Variants in MMP27 observed in about 807,000 individuals in gnomAD.
MMP27 encodes matrix metalloproteinase-27.
In MMP27, 51 loss-of-function variants were observed where a neutral mutation model predicts 48.1. That is an observed-to-expected ratio of 1.06 (90% CI 0.85 to 1.34). The LOEUF is 1.34. MMP27 is among the 40% of genes most tolerant of loss of function. The pLI is 0.00. For missense variants in MMP27, 698 were observed against 619.3 expected (o/e 1.13, Z -1.35); for synonymous variants, 229 against 208.9 (o/e 1.10, Z -0.83).
chr11:102,695,234 A>T, intron 6 of MMP27, 137 bp from the exon 7 acceptor site: 1 of 1,023,288 alleles, frequency 9.8e-7, no homozygotes, highest in Admixed American at 2.2e-5. Flanking sequence ...AATTTTCCCC[A>T]GTAAATTTAG....
intron 7 of MMP27, among the ~76,000 whole-genome samples, chr11:102,694,345 A>T (rs1004046585): frequency 1.3e-5 from 2 of 152,220 alleles, no homozygotes; most frequent in Non-Finnish European, 2.9e-5. Flanking sequence ...CAATCAAGTA[A>T]GCAATGCATA....
chr11:102,694,848 T>C (rs1860793766), intron 7 of MMP27, 119 bp downstream of exon 7: 5 of 1,115,010 alleles, frequency 4.5e-6, no homozygotes, highest in Non-Finnish European at 5.0e-6. Flanking sequence ...GAACCTAAGA[T>C]GAGAGCAAAA....
intron 5 of MMP27, 72 bp from the exon 6 acceptor site, chr11:102,696,563 C>G: frequency 1.3e-6 from 2 of 1,582,048 alleles, no homozygotes; most frequent in Non-Finnish European, 1.7e-6. Context: ...AGGGTCTTAC[C>G]TAAGTGGATA....
At position 102,691,492 on chromosome 11, in the gene MMP27, T is replaced by C. The variant is rs563458705; in HGVS notation, c.*274A>G. ...CTCCAAAGGTCCAGACAAAATAGAATGCTAAAGATTGGTTTAATAAATGTT... is the reference window on the plus strand; with the variant it reads ...CTCCAAAGGTCCAGACAAAATAGAACGCTAAAGATTGGTTTAATAAATGTT... On this transcript the variant is annotated 3_prime_UTR_variant, in exon 10 of 10. Transcript: ENST00000260229. The C allele has an allele frequency of 2.9e-5, 8 of 276,516 alleles. No homozygotes were observed. Among genetic ancestry groups the C allele is most frequent in the African/African-American group, 1.1e-4 (5 of 44,678 alleles). 17.1% of individuals were successfully genotyped at this position (276,516 alleles called of 1,614,324 possible).
intron 8 of MMP27, 86 bp from the exon 9 acceptor site, chr11:102,693,127 G>C (rs376206562): frequency 6.3e-6 from 6 of 947,278 alleles, no homozygotes; most frequent in African/African-American, 4.8e-5. Context: ...AGTCAAGCAG[G>C]GATGTGGGGA....
rs1225088143 is a variant in MMP27, at chr11:102,704,697, C to T, written c.181G>A (p.Asp61Asn). ...VQSKNRSLID[D>N]KIREMQAFFG... Reference sequence around the variant, plus strand: ...AATGCTTGCATTTCCCGAATTTTGTCATCTATGAGACTCCTATTCTTGCTT... The same window carrying T: ...AATGCTTGCATTTCCCGAATTTTGTTATCTATGAGACTCCTATTCTTGCTT... Residue 61 changes from aspartate to asparagine, a missense_variant, in exon 2 of 10, where the codon GAC becomes AAC. Physicochemically the swap from Asp to Asn is conservative, Grantham distance 23. Transcript: ENST00000260229. The T allele has an allele frequency of 6.2e-7, 1 of 1,613,824 alleles. No individual in the cohort carries two copies. Among genetic ancestry groups the T allele is most frequent in the Non-Finnish European group, 8.5e-7 (1 of 1,179,972 alleles).
At chr11:102,695,854 A>T (rs1281227434) in intron 6 of MMP27, among the ~76,000 whole-genome samples, 1 of 152,214 alleles carries the variant, frequency 6.6e-6, no homozygotes, top group Non-Finnish European at 1.5e-5. Context: ...ACTACAGCTA[A>T]CACTTTATTG....
In MMP27 at chr11:102,693,409, A is replaced by T. The variant is rs557232588; in HGVS notation, c.1194-368T>A. ...TTTATTTTATCTTATCTTTTTTTTT[A>T]AATTGAAGGAAAGTCATTAGACTCA... On this transcript the variant is annotated intron_variant, in intron 8 of 9. Transcript: ENST00000260229. 4.0e-5 allele frequency among the ~76,000 whole-genome samples: 6 copies of T among 151,776 alleles called. No individual in the cohort carries two copies. In the East Asian group the frequency reaches 7.7e-4, roughly 20 times the overall value.
intron 4 of MMP27, among the ~76,000 whole-genome samples, chr11:102,701,416 G>T (rs1860938027): frequency 6.6e-6 from 1 of 152,208 alleles, no homozygotes; most frequent in Non-Finnish European, 1.5e-5. Flanking sequence ...TGAAATCTTT[G>T]ATCTCTGCCT....
Position 102,705,685 on chromosome 11 carries a change from G to C in MMP27, c.30C>G (p.Phe10Leu). 1 of 1,606,370 alleles carries C rather than the reference G, an allele frequency of 6.2e-7. No homozygotes were observed. Among genetic ancestry groups the C allele is most frequent in the Non-Finnish European group, 8.5e-7 (1 of 1,177,524 alleles). ...GAAATGCAGAAGAAAATGTTATAAA[G>C]AACAAAAACAGAAGCAGAAGGCGCT... The part of the protein sequence containing the change: MKRLLLLFL[F>L]FITFSSAFPL... The change falls in exon 1 of 10, where the codon TTC (phenylalanine) becomes TTG (leucine). Residue 10 changes from phenylalanine to leucine, a missense_variant. By Grantham distance (22) the Phe-to-Leu change is conservative. Coordinates refer to ENST00000260229, the MANE Select transcript of MMP27 (RefSeq NM_022122.3).
chr11:102,696,786 C>T lies in MMP27; in HGVS notation c.669G>A (p.Gly223=). The change falls in exon 5 of 10, where the codon GGG becomes GGA. Residue 223 remains glycine, a synonymous_variant. Transcript: ENST00000260229. ...CTGTTTGATCATTGGAGTGAGAGAG[C>T]CCCAGTGCATGACCAAATTCATGAG... ...VAAHEFGHAL[G]LSHSNDQTAL... 1.9e-6 allele frequency: 3 copies of T among 1,613,350 alleles called. No individual in the cohort carries two copies. The highest frequency in any genetic ancestry group is 1.1e-5 in the South Asian group (1 of 90,900).
chr11:102,704,867 CT>C lies in MMP27; in HGVS notation c.103-93del, dbSNP rs748462769. On this transcript the variant is annotated intron_variant, in intron 1 of 9. Transcript: ENST00000260229. ...GATAAAGCAAAATTGCCTAAAATTC[CT>C]TCTGGCAATAGGAAAGGGGAAAAAA... The C allele has an allele frequency of 1.4e-3, 1,034 of 745,784 alleles. 3 individuals carry two copies. Among genetic ancestry groups the C allele is most frequent in the Non-Finnish European group, 1.4e-3 (658 of 463,520 alleles). 46.2% of individuals were successfully genotyped at this position (745,784 alleles called of 1,614,324 possible). A position where few individuals can be genotyped will look rare whatever the true frequency, so the allele number is the denominator to read the frequency against.
chr11:102,705,737 C>CAGAAGG lies in MMP27; in HGVS notation c.-24_-23insCCTTCT. On this transcript the variant is annotated 5_prime_UTR_variant, in exon 1 of 10. Transcript: ENST00000260229. Reference sequence around the variant, plus strand: ...CATTCCTCTCTTTCTTCAGCTGAAGCCGGTTCTGTTAGCACAGAATTTAGA... The same window carrying CAGAAGG: ...CATTCCTCTCTTTCTTCAGCTGAAGCAGAAGGCGGTTCTGTTAGCACAGAATTTAGA... 1 of 1,546,894 alleles carries CAGAAGG rather than the reference C, an allele frequency of 6.5e-7. No homozygotes were observed. Among genetic ancestry groups the CAGAAGG allele is most frequent in the Non-Finnish European group, 8.9e-7 (1 of 1,129,642 alleles).
rs1446419759 is a variant in MMP27 at position 102,694,040 on chromosome 11, T to C, written c.1059A>G (p.Gly353=). 4.4e-6 allele frequency: 7 copies of C among 1,595,024 alleles called. No individual in the cohort carries two copies. The African/African-American group carries it at 8.1e-5, about 19-fold the overall frequency. ...FKDENFWMIR[G]YAVLPDYPKS... is the part of the protein sequence containing the mutation. Reference sequence around the variant, plus strand: ...TGGGATAATCTGGCAAGACAGCATATCCTCTGATCATCCAGAAGTTTTCAT... The same window carrying C: ...TGGGATAATCTGGCAAGACAGCATACCCTCTGATCATCCAGAAGTTTTCAT... The change falls in exon 8 of 10, where the codon GGA becomes GGG. Residue 353 remains glycine (G), a synonymous_variant. Transcript: ENST00000260229.
rs765171890 is a variant in MMP27, at chr11:102,704,586, G to A, written c.292C>T (p.Gln98Ter). 1 of 1,614,148 alleles carries A rather than the reference G, an allele frequency of 6.2e-7. No individual in the cohort carries two copies. The highest frequency in any genetic ancestry group is 8.5e-7 in the Non-Finnish European group (1 of 1,180,014). Residue 98 changes from glutamine to a stop codon, truncating the protein, a stop_gained, in exon 2 of 10, where the codon CAG (glutamine) becomes TAG (stop). Transcript: ENST00000260229. LOFTEE classifies it high-confidence loss of function. ...TPRCGVPDVG[Q>*]YGYTLPGWRK... is the part of the protein sequence containing the mutation. ...CACCCAGGGAGGGTGTAGCCATACT[G>A]GCCCACATCAGGCACCCCACACCTG...
Position 102,694,995 on chromosome 11 carries a change from G to A in MMP27, c.1005C>T (p.Asn335=), listed in dbSNP as rs1042559734. Residue 335 remains asparagine (N), a synonymous_variant, in exon 7 of 10, where the codon AAC becomes AAT. Transcript: ENST00000260229. ...TAAAAACCAGAATCTTATCTCTGGG[G>A]TTCTCGTATGCAGCTTGCAGATCAG... ...LPADLQAAYE[N]PRDKILVFKD... is the part of the protein sequence containing the mutation. 9.9e-6 allele frequency: 16 copies of A among 1,613,876 alleles called. No individual in the cohort carries two copies. The highest frequency in any genetic ancestry group is 4.0e-5 in the African/African-American group (3 of 74,902).
intron 7 of MMP27, 26 bp downstream of exon 7, chr11:102,694,941 A>C: frequency 6.2e-7 from 1 of 1,612,710 alleles, no homozygotes; most frequent in South Asian, 1.1e-5. Context: ...CAGAGGGAGA[A>C]GAGGAATCGG....
chr11:102,700,964 A>G (rs1167362451), intron 4 of MMP27, among the ~76,000 whole-genome samples: 2 of 152,248 alleles, frequency 1.3e-5, no homozygotes, highest in African/African-American at 4.8e-5. Context: ...GAGCCTCCAC[A>G]TTGCAATGAA....
At chr11:102,702,269 T>C (rs1290835056) in intron 4 of MMP27, among the ~76,000 whole-genome samples, 1 of 152,266 alleles carries the variant, frequency 6.6e-6, no homozygotes, top group Non-Finnish European at 1.5e-5. Context: ...CTATGGGCTA[T>C]GAATCCATAT....
Sources: gnomAD v4.1 joint callset for allele counts (sites outside exome capture counted in the v4.1 genomes callset) on GRCh38, gnomAD v4.1.1 for gene constraint, MANE v1.5 for transcripts, NCBI Gene and HGNC (gene_info 2026-07-23, HGNC 2026-07-21) for gene names.